The following ASTN2 variants were observed in gnomAD, a reference collection of about 807,000 sequenced individuals.
The protein encoded by ASTN2 is astrotactin 2, also known as astrotactin-2.
In ASTN2, 54 loss-of-function variants were observed where a neutral mutation model predicts 139.8. That is an observed-to-expected ratio of 0.39 (90% CI 0.31 to 0.48). ASTN2 has a LOEUF of 0.48. ASTN2 is among the 20% of genes least tolerant of loss of function. The pLI, the probability that ASTN2 is intolerant of heterozygous loss-of-function variation, is 0.95. For missense variants in ASTN2, 1,565 were observed against 1,725.1 expected, an observed-to-expected ratio of 0.91 and a Z score of 1.64; for synonymous variants, 756 against 719.5, an observed-to-expected ratio of 1.05 and a Z score of -0.81.
At chr9:116,926,503 T>C (rs747625347) in intron 10 of ASTN2, among the ~76,000 whole-genome samples, 14 of 152,218 alleles carry the variant, frequency 9.2e-5, no homozygotes, top group Non-Finnish European at 1.8e-4. Context: ...TTTACCTTGA[T>C]AAAACACATG....
At chr9:116,438,521 T>C (rs762685528) in intron 22 of ASTN2, among the ~76,000 whole-genome samples, 48 of 152,152 alleles carry the variant, frequency 3.2e-4, no homozygotes, top group Non-Finnish European at 6.5e-4. Flanking sequence ...CGAGTTCCTC[T>C]AGGGTAGGGA....
At chr9:116,500,868 T>C (rs1181234347) in intron 19 of ASTN2, among the ~76,000 whole-genome samples, 2 of 152,170 alleles carry the variant, frequency 1.3e-5, no homozygotes, top group South Asian at 4.1e-4. Context: ...AAAATACCAA[T>C]TCATGAAACA....
intron 1 of ASTN2, among the ~76,000 whole-genome samples, chr9:117,337,608 AT>A (rs1475715807): frequency 6.6e-6 from 1 of 152,182 alleles, no homozygotes; most frequent in Non-Finnish European, 1.5e-5. Context: ...TCTTAAGTGT[AT>A]TCTGTGCATT....
intron 19 of ASTN2, chr9:116,584,672 A>C (rs1443468473): frequency 6.6e-6 from 1 of 152,230 alleles, no homozygotes; most frequent in Non-Finnish European, 1.5e-5. Flanking sequence ...CTGTTCATAT[A>C]GTACTAAAAG....
chr9:117,296,277 C>CAAAAAAAAAAA (rs5900277), intron 1 of ASTN2, among the ~76,000 whole-genome samples: 26 of 71,008 alleles, frequency 3.7e-4, no homozygotes, highest in African/African-American at 1.3e-3. Context: ...GACTGCATCT[C>CAAAAAAAAAAA]AAAAAAAAAA....
At chr9:116,498,354 G>GC (rs1451570780) in intron 19 of ASTN2, among the ~76,000 whole-genome samples, 1 of 152,128 alleles carries the variant, frequency 6.6e-6, no homozygotes, top group African/African-American at 2.4e-5. Flanking sequence ...GGAAGCTAAG[G>GC]CAGGAGGATC....
chr9:117,019,452 T>C (rs1226601555), intron 6 of ASTN2, among the ~76,000 whole-genome samples: 1 of 152,120 alleles, frequency 6.6e-6, no homozygotes, highest in Non-Finnish European at 1.5e-5. Context: ...AACAGCTGCC[T>C]AAATATACAA....
intron 16 of ASTN2, among the ~76,000 whole-genome samples, chr9:116,707,694 C>T (rs1296386989): frequency 6.6e-6 from 1 of 152,196 alleles, no homozygotes; most frequent in East Asian, 1.9e-4. Context: ...TAAAAGGTTA[C>T]TATTTGGCTT....
intron 19 of ASTN2, among the ~76,000 whole-genome samples, chr9:116,500,662 G>A (rs1849823637): frequency 6.6e-6 from 1 of 152,198 alleles, no homozygotes; most frequent in Admixed American, 6.5e-5. Flanking sequence ...TTTGCTAAAT[G>A]ATTCTAAGCA....
intron 19 of ASTN2, among the ~76,000 whole-genome samples, chr9:116,561,348 C>G (rs1173271993): frequency 6.6e-6 from 1 of 152,116 alleles, no homozygotes; most frequent in East Asian, 1.9e-4. Context: ...TTCAATAAAT[C>G]TTCATTAATT....
intron 19 of ASTN2, among the ~76,000 whole-genome samples, chr9:116,533,002 T>A (rs1851428763): frequency 6.6e-6 from 1 of 152,218 alleles, no homozygotes. Context: ...GCATGGAATG[T>A]TCTTCCATTT....
At chr9:117,213,976 G>A (rs1448578980) in intron 3 of ASTN2, among the ~76,000 whole-genome samples, 1 of 152,184 alleles carries the variant, frequency 6.6e-6, no homozygotes. Flanking sequence ...ATGGGGGACC[G>A]TGAACACAGA....
intron 11 of ASTN2, among the ~76,000 whole-genome samples, chr9:116,831,034 C>A (rs1326519466): frequency 6.6e-6 from 1 of 150,830 alleles, no homozygotes; most frequent in Admixed American, 6.6e-5. Flanking sequence ...GAAATCATGT[C>A]TTTTGCAGCA....
rs1439253420 is a variant in ASTN2, at chr9:116,875,251, C to CAGAAGTGTGATAAG, written c.1890-11519_1890-11518insCTTATCACACTTCT. On this transcript the variant is annotated intron_variant, in intron 10 of 22. Coordinates refer to ENST00000313400, the MANE Select transcript of ASTN2 (RefSeq NM_001365068.1). Reference sequence around the variant, plus strand: ...TAGAAGTGCTACTTCTGTGAACACACAAATGATAAGAAAGTGAAACAGCTT... The same window carrying CAGAAGTGTGATAAG: ...TAGAAGTGCTACTTCTGTGAACACACAGAAGTGTGATAAGAAATGATAAGAAAGTGAAACAGCTT... Among the ~76,000 whole-genome samples the CAGAAGTGTGATAAG allele has an allele frequency of 2.6e-5, 4 of 152,282 alleles. No homozygotes were observed. The East Asian group carries it at 7.7e-4, about 29-fold the overall frequency.
At position 116,698,146 on chromosome 9, in the gene ASTN2, C is replaced by T. The variant is rs141953092; in HGVS notation, c.2806+27625G>A. ...GACCATCAGCCTCCTGGCCACTGTACACTCCCTGTCAAAGAAGCAGCTGAG... is the reference window on the plus strand; with the variant it reads ...GACCATCAGCCTCCTGGCCACTGTATACTCCCTGTCAAAGAAGCAGCTGAG... On this transcript the variant is annotated intron_variant, in intron 16 of 22. Transcript: ENST00000313400. The surrounding 1 kb of genome is among the most constrained non-coding windows in gnomAD (Gnocchi z 4.4). The T allele has an allele frequency of 1.2e-4, 197 of 1,614,122 alleles. 2 individuals carry two copies. Among genetic ancestry groups the T allele is most frequent in the Middle Eastern group, 1.2e-3 (7 of 6,060 alleles).
At chr9:117,321,396 C>T (rs2130831604) in intron 1 of ASTN2, among the ~76,000 whole-genome samples, 1 of 152,324 alleles carries the variant, frequency 6.6e-6, no homozygotes, top group Non-Finnish European at 1.5e-5. Flanking sequence ...AACCTTCTCT[C>T]TAAACAAACC....
At chr9:116,842,966 G>T (rs892411950) in intron 11 of ASTN2, among the ~76,000 whole-genome samples, 1 of 152,140 alleles carries the variant, frequency 6.6e-6, no homozygotes, top group Non-Finnish European at 1.5e-5. Flanking sequence ...CTACCAGGCA[G>T]CACCTGTTCT....
intron 10 of ASTN2, among the ~76,000 whole-genome samples, chr9:116,874,107 G>A (rs1193078669): frequency 6.6e-6 from 1 of 152,186 alleles, no homozygotes; most frequent in Non-Finnish European, 1.5e-5. Context: ...GACTGGCAGT[G>A]AGTCCTAGTG....
At chr9:117,370,358 A>C (rs1390450370) in intron 1 of ASTN2, among the ~76,000 whole-genome samples, 1 of 152,182 alleles carries the variant, frequency 6.6e-6, no homozygotes, top group African/African-American at 2.4e-5. Flanking sequence ...CTGGCCCAGC[A>C]ATGCCTCGGT....
Sources: gnomAD v4.1 joint callset for allele counts (sites outside exome capture counted in the v4.1 genomes callset) on GRCh38, gnomAD v4.1.1 for gene constraint, Gnocchi (gnomAD v3.1) non-coding constraint, MANE v1.5 for transcripts, NCBI Gene and HGNC (gene_info 2026-07-23, HGNC 2026-07-21) for gene names.